LEMD1: variants seen among roughly 807,000 people sequenced by gnomAD.
LEMD1 encodes the protein LEM domain-containing protein 1.
Under a neutral mutation model 17.4 loss-of-function variants are expected in LEMD1, and 18 were observed. That is an observed-to-expected ratio of 1.04 (90% CI 0.72 to 1.54). The LOEUF (loss-of-function observed/expected upper bound fraction) is 1.54. LEMD1 is among the 40% of genes most tolerant of loss of function. LEMD1 has a pLI of 0.00. For missense variants in LEMD1, 195 were observed against 210.4 expected (o/e 0.93, Z 0.45); for synonymous variants, 88 against 77.8 (o/e 1.13, Z -0.69).
intron 3 of LEMD1, among the ~76,000 whole-genome samples, chr1:205,418,413 C>G (rs952587050): frequency 6.6e-6 from 1 of 152,208 alleles, no homozygotes; most frequent in Non-Finnish European, 1.5e-5. Context: ...CTGGAGACCC[C>G]TGTTCCCTAC....
chr1:205,391,825 A>G (rs1389459155), intron 4 of LEMD1, among the ~76,000 whole-genome samples: 1 of 152,062 alleles, frequency 6.6e-6, no homozygotes, highest in African/African-American at 2.4e-5. Context: ...GCCACCCAGA[A>G]GGCCGGGTGT....
intron 3 of LEMD1, among the ~76,000 whole-genome samples, chr1:205,416,533 G>A (rs1368200706): frequency 6.6e-6 from 1 of 152,174 alleles, no homozygotes; most frequent in East Asian, 1.9e-4. Context: ...ATGCCTCCAA[G>A]AGAAATACAC....
At chr1:205,418,397 G>A (rs1489820687) in intron 3 of LEMD1, among the ~76,000 whole-genome samples, 1 of 152,208 alleles carries the variant, frequency 6.6e-6, no homozygotes, top group African/African-American at 2.4e-5. Flanking sequence ...GCAAAGCCCA[G>A]AGATCCTGGA....
intron 4 of LEMD1, among the ~76,000 whole-genome samples, chr1:205,406,322 A>T (rs1392004500): frequency 6.6e-6 from 1 of 152,262 alleles, no homozygotes; most frequent in African/African-American, 2.4e-5. Context: ...GAGCCTACAG[A>T]GGCAGGCAGG....
rs192549508 is a variant in LEMD1, at chr1:205,392,965, C to T, written c.271-8601G>A. Among the ~76,000 whole-genome samples the T allele has an allele frequency of 2.9e-3, 441 of 152,174 alleles. 4 individuals carry two copies. The highest frequency in any genetic ancestry group is 0.01 in the African/African-American group (423 of 41,538). On this transcript the variant is annotated intron_variant, in intron 4 of 5. Transcript: ENST00000367153. ...TAAAGGACATTATCAAGAAAGTAGC[C>T]GGGCATGGTGGTACATGCTAATAGT...
chr1:205,388,406 G>A (rs116182434), intron 4 of LEMD1, among the ~76,000 whole-genome samples: 3,895 of 152,230 alleles, frequency 0.026, 156 homozygotes, highest in African/African-American at 0.087. Flanking sequence ...CACCAGGATG[G>A]CCTTGATCTC....
At chr1:205,383,195 C>A (rs1663806990) in intron 5 of LEMD1, among the ~76,000 whole-genome samples, 1 of 152,110 alleles carries the variant, frequency 6.6e-6, no homozygotes, top group East Asian at 1.9e-4. Context: ...CTGGGCTCAA[C>A]TAATCCTTCT....
At chr1:205,443,115 A>G (rs1360737662) in intron 1 of LEMD1, among the ~76,000 whole-genome samples, 1 of 152,208 alleles carries the variant, frequency 6.6e-6, no homozygotes, top group Non-Finnish European at 1.5e-5. Context: ...TGCTGGGGAT[A>G]TAAGTCAAGG....
At chr1:205,407,662 G>A (rs921577951) in intron 4 of LEMD1, among the ~76,000 whole-genome samples, 3 of 152,204 alleles carry the variant, frequency 2.0e-5, no homozygotes, top group Non-Finnish European at 4.4e-5. Flanking sequence ...GCACTCCTGA[G>A]TTCTGCAAGC....
upstream of LEMD1, among the ~76,000 whole-genome samples, chr1:205,425,446 C>T (rs1165811167): frequency 6.6e-6 from 1 of 152,134 alleles, no homozygotes; most frequent in Non-Finnish European, 1.5e-5. Context: ...GCCAACACCA[C>T]ATTAAAATTC....
chr1:205,443,398 GGGGAATT>G (rs1474553727), intron 1 of LEMD1, among the ~76,000 whole-genome samples: 3 of 10,208 alleles, frequency 2.9e-4, no homozygotes. Context: ...AGGGTCCTTT[GGGGAATT>G]TAAGAAAATC....
intron 1 of LEMD1, among the ~76,000 whole-genome samples, chr1:205,433,662 G>C (rs1666161391): frequency 6.6e-6 from 1 of 152,190 alleles, no homozygotes; most frequent in Non-Finnish European, 1.5e-5. Context: ...ACAGCAGAGG[G>C]ACTGGGGCAG....
At chr1:205,443,940 C>T (rs1452123119) in intron 1 of LEMD1, among the ~76,000 whole-genome samples, 5 of 152,122 alleles carry the variant, frequency 3.3e-5, no homozygotes, top group African/African-American at 7.2e-5. Context: ...CTGCTTTGCT[C>T]GAGCAGGAGT....
At chr1:205,402,923 T>A (rs1467602269) in intron 4 of LEMD1, among the ~76,000 whole-genome samples, 1 of 152,046 alleles carries the variant, frequency 6.6e-6, no homozygotes, top group Non-Finnish European at 1.5e-5. Flanking sequence ...GTTGTTGAAT[T>A]TTGTCAAAGG....
intron 4 of LEMD1, among the ~76,000 whole-genome samples, chr1:205,406,512 G>A (rs959996854): frequency 6.6e-6 from 1 of 152,244 alleles, no homozygotes; most frequent in South Asian, 2.1e-4. Context: ...CTCACATCCA[G>A]GTGTGGGATA....
intron 4 of LEMD1, among the ~76,000 whole-genome samples, chr1:205,409,767 T>A (rs1023988420): frequency 1.1e-4 from 14 of 130,538 alleles, no homozygotes; most frequent in African/African-American, 4.1e-4. Flanking sequence ...CTATGCCCAG[T>A]TAATTAATTT....
intron 4 of LEMD1, among the ~76,000 whole-genome samples, chr1:205,413,319 G>C (rs1323552693): frequency 6.6e-6 from 1 of 151,710 alleles, no homozygotes; most frequent in East Asian, 1.9e-4. Flanking sequence ...ACAGGGTCTC[G>C]CTCTGTCACC....
At chr1:205,404,641 T>C (rs1158579017) in intron 4 of LEMD1, among the ~76,000 whole-genome samples, 1 of 152,234 alleles carries the variant, frequency 6.6e-6, no homozygotes, top group Non-Finnish European at 1.5e-5. Context: ...CTGATGGCTC[T>C]TGACTCTTTA....
chr1:205,398,593 C>CTA (rs1163158848), intron 4 of LEMD1, among the ~76,000 whole-genome samples: 2 of 152,154 alleles, frequency 1.3e-5, no homozygotes, highest in Non-Finnish European at 2.9e-5. Flanking sequence ...TCAGTATGCT[C>CTA]TACACACTAA....
Sources: gnomAD v4.1 joint callset for allele counts (sites outside exome capture counted in the v4.1 genomes callset) on GRCh38, gnomAD v4.1.1 for gene constraint, MANE v1.5 for transcripts, NCBI Gene and HGNC (gene_info 2026-07-23, HGNC 2026-07-21) for gene names.